IGF1: variants seen among roughly 807,000 people sequenced by gnomAD.
IGF1 encodes insulin like growth factor 1.
IGF1 carries 4 observed loss-of-function variants against 13.8 expected under a neutral mutation model. The observed-to-expected ratio is 0.29, with a 90% CI of 0.14 to 0.66. IGF1 has a LOEUF of 0.66. IGF1 is among the 30% of genes least tolerant of loss of function. IGF1 has a pLI of 0.78. For missense variants in IGF1, 124 were observed against 188.5 expected (o/e 0.66, Z 2.00); for synonymous variants, 76 against 72.6 (o/e 1.05, Z -0.23).
intron 2 of IGF1, among the ~76,000 whole-genome samples, chr12:102,441,917 T>TTCTTCTTCTTCTTCTTCTTCTTCC (rs1877803556): frequency 1.7e-5 from 2 of 114,328 alleles, no homozygotes; most frequent in Non-Finnish European, 1.8e-5. Flanking sequence ...CTTCTTCTCC[T>TTCTTCTTCTTCTTCTTCTTCTTCC]TCTTCTTCTT....
rs1472572460 is a variant in IGF1, at chr12:102,439,725, A to G, written c.221-20035T>C. On this transcript the variant is annotated intron_variant, in intron 2 of 3. Coordinates refer to ENST00000337514, the MANE Select transcript of IGF1 (RefSeq NM_000618.5). ...AGATCCAGCTAGGAGAAGGAAAAAA[A>G]AAAAAAAAGATTAACTGGGTGGAAA... Among the ~76,000 whole-genome samples the G allele has an allele frequency of 2.0e-5, 3 of 151,760 alleles. No individual in the cohort carries two copies. In the East Asian group the frequency reaches 5.8e-4, roughly 29 times the overall value.
chr12:102,449,980 T>G (rs528241989), intron 2 of IGF1, among the ~76,000 whole-genome samples: 2 of 151,768 alleles, frequency 1.3e-5, no homozygotes, highest in Admixed American at 1.3e-4. Flanking sequence ...AGAGGGCGAG[T>G]TCTCAAGAAG....
intron 3 of IGF1, among the ~76,000 whole-genome samples, chr12:102,418,709 T>C (rs1319066870): frequency 1.3e-5 from 2 of 152,242 alleles, no homozygotes; most frequent in African/African-American, 4.8e-5. Flanking sequence ...TATATTCATT[T>C]GTTCATTCGT....
chr12:102,455,912 A>C (rs1879346532), intron 2 of IGF1, among the ~76,000 whole-genome samples: 1 of 152,190 alleles, frequency 6.6e-6, no homozygotes, highest in South Asian at 2.1e-4. Context: ...TTGGGATCCC[A>C]TTGGATATCG....
intron 2 of IGF1, among the ~76,000 whole-genome samples, chr12:102,471,972 T>C (rs1190715784): frequency 6.6e-6 from 1 of 152,158 alleles, no homozygotes; most frequent in Non-Finnish European, 1.5e-5. Context: ...TGAAGCTCTT[T>C]TTCTCTTGGT....
At chr12:102,443,013 A>G (rs1878003449) in intron 2 of IGF1, among the ~76,000 whole-genome samples, 1 of 152,036 alleles carries the variant, frequency 6.6e-6, no homozygotes, top group South Asian at 2.1e-4. Flanking sequence ...AAGTGATGCT[A>G]ATAGGACTGG....
chr12:102,469,311 C>A (rs188278963), intron 2 of IGF1, among the ~76,000 whole-genome samples: 1 of 152,056 alleles, frequency 6.6e-6, no homozygotes, highest in Non-Finnish European at 1.5e-5. Flanking sequence ...TTGAGAAAGA[C>A]CAATTAAACA....
chr12:102,419,844 A>G (rs920752272), intron 2 of IGF1, among the ~76,000 whole-genome samples, 154 bp from the exon 3 acceptor site: 3 of 151,900 alleles, frequency 2.0e-5, no homozygotes, highest in African/African-American at 7.3e-5. Flanking sequence ...TCCTGACCCC[A>G]CGTATCTTTC....
Position 102,397,001 on chromosome 12 carries a change from G to C in IGF1, c.*5506C>G. On this transcript the variant is annotated 3_prime_UTR_variant, in exon 4 of 4. Transcript: ENST00000337514. ...GCAAATCACAAGGTCAGGAGTTTGA[G>C]ACCAACCTGGCCAACATGGTAAAAC... 5.1e-6 allele frequency: 2 copies of C among 395,346 alleles called. No individual in the cohort carries two copies. The highest frequency in any genetic ancestry group is 8.9e-6 in the Non-Finnish European group (2 of 224,344). The allele number at this position is 395,346 out of a possible 1,614,324, so 24.5% of individuals were successfully genotyped here. A position where few individuals can be genotyped will look rare whatever the true frequency, so the allele number is the denominator to read the frequency against.
chr12:102,441,908 T>TGC lies in IGF1; in HGVS notation c.221-22219_221-22218insGC, dbSNP rs1555244024. ...GCACTAAGTCATTCTATTACACTGC[T>TGC]TCTTCTCCTTCTTCTTCTTCTTCTT... On this transcript the variant is annotated intron_variant, in intron 2 of 3. Coordinates refer to ENST00000337514, the MANE Select transcript of IGF1 (RefSeq NM_000618.5). Among the ~76,000 whole-genome samples, 215 of 109,434 alleles carry TGC rather than the reference T, an allele frequency of 2.0e-3. 15 individuals are homozygous for TGC. The highest frequency in any genetic ancestry group is 6.3e-3 in the Admixed American group (56 of 8,918). The allele number at this position is 109,434 out of a possible 152,430, so 71.8% of individuals were successfully genotyped here.
chr12:102,416,212 AC>A (rs1435667200), intron 3 of IGF1, among the ~76,000 whole-genome samples: 2 of 152,182 alleles, frequency 1.3e-5, no homozygotes, highest in African/African-American at 4.8e-5. Context: ...TCATATTCTT[AC>A]CCCAAAATGT....
intron 2 of IGF1, among the ~76,000 whole-genome samples, chr12:102,420,130 A>G (rs879031568): frequency 2.0e-5 from 3 of 152,222 alleles, no homozygotes; most frequent in Non-Finnish European, 4.4e-5. Flanking sequence ...TGCTTTGACT[A>G]TATAGTCAGG....
At chr12:102,404,696 C>T (rs923502856) in intron 3 of IGF1, among the ~76,000 whole-genome samples, 2 of 151,964 alleles carry the variant, frequency 1.3e-5, no homozygotes, top group Non-Finnish European at 2.9e-5. Flanking sequence ...ACTTAAGATA[C>T]ATTTGTTGTG....
chr12:102,407,025 C>T (rs12316064), intron 3 of IGF1, among the ~76,000 whole-genome samples: 43,123 of 136,618 alleles, frequency 0.32, 6,460 homozygotes, highest in Middle Eastern at 0.38. Flanking sequence ...ACCCAGGAGG[C>T]GGAGGTTGCA....
rs946062603 is a variant in IGF1, at chr12:102,452,969, G to T, written c.220+22674C>A. Reference sequence around the variant, plus strand: ...GTGAAAACTTGTGACTTCAATATGAGAAAAAAAAAGGCTTTAATTAAATTG... The same window carrying T: ...GTGAAAACTTGTGACTTCAATATGATAAAAAAAAAGGCTTTAATTAAATTG... On this transcript the variant is annotated intron_variant, in intron 2 of 3. Transcript: ENST00000337514. Among the ~76,000 whole-genome samples, 13 of 150,704 alleles carry T rather than the reference G, an allele frequency of 8.6e-5. 1 individual carries two copies. Among genetic ancestry groups the T allele is most frequent in the Admixed American group, 1.3e-4 (2 of 15,180 alleles).
At chr12:102,420,628 A>AGAGAGGGAG (rs1352257382) in intron 2 of IGF1, among the ~76,000 whole-genome samples, 2 of 152,076 alleles carry the variant, frequency 1.3e-5, no homozygotes, top group Non-Finnish European at 2.9e-5. Context: ...TCCCTCTCTT[A>AGAGAGGGAG]CCACCCCAAG....
intron 2 of IGF1, among the ~76,000 whole-genome samples, chr12:102,461,736 G>C (rs1349292654): frequency 3.3e-5 from 5 of 152,118 alleles, no homozygotes; most frequent in Non-Finnish European, 7.4e-5. Context: ...TCAGGCCATG[G>C]GGTTATCCTT....
At chr12:102,476,065 T>A (rs1013071818) in intron 1 of IGF1, among the ~76,000 whole-genome samples, 3 of 152,138 alleles carry the variant, frequency 2.0e-5, no homozygotes, top group African/African-American at 7.2e-5. Context: ...GGTTCCTATT[T>A]CAATGAATTG....
intron 3 of IGF1, chr12:102,417,468 A>T (rs1875241516): frequency 1.2e-5 from 10 of 813,134 alleles, no homozygotes; most frequent in African/African-American, 1.8e-5. Context: ...TACAAAATTT[A>T]AAAATGCATA....
Sources: gnomAD v4.1 joint callset for allele counts (sites outside exome capture counted in the v4.1 genomes callset) on GRCh38, gnomAD v4.1.1 for gene constraint, MANE v1.5 for transcripts, NCBI Gene and HGNC (gene_info 2026-07-23, HGNC 2026-07-21) for gene names.